CDH13: variants seen among roughly 807,000 people sequenced by gnomAD.
CDH13 encodes cadherin 13.
In CDH13, 24 loss-of-function variants were observed where a neutral mutation model predicts 63.8. The observed-to-expected ratio is 0.38, with a 90% CI of 0.27 to 0.53. The LOEUF is 0.53. CDH13 is among the 20% of genes least tolerant of loss of function. The pLI is 0.85. For synonymous variants in CDH13, 503 were observed against 355.3 expected, an observed-to-expected ratio of 1.42 and a Z score of -4.67; for missense variants, 1,049 against 903.1, an observed-to-expected ratio of 1.16 and a Z score of -2.07.
chr16:83,165,568 A>T (rs1488145570), intron 4 of CDH13, among the ~76,000 whole-genome samples: 4 of 152,098 alleles, frequency 2.6e-5, no homozygotes, highest in Non-Finnish European at 5.9e-5. Context: ...GTGGTCACAA[A>T]TGAGAAGAGT....
intron 7 of CDH13, among the ~76,000 whole-genome samples, chr16:83,589,488 G>T (rs529032632): frequency 6.6e-6 from 1 of 151,718 alleles, no homozygotes; most frequent in African/African-American, 2.4e-5. Flanking sequence ...CAGTTTTCCA[G>T]GGTGGTCTCC....
intron 5 of CDH13, among the ~76,000 whole-genome samples, chr16:83,334,962 A>G (rs2090562098): frequency 6.6e-6 from 1 of 152,202 alleles, no homozygotes; most frequent in Non-Finnish European, 1.5e-5. Context: ...AGGTGTAAAA[A>G]GTAAGGGCAA....
intron 2 of CDH13, among the ~76,000 whole-genome samples, chr16:82,939,206 C>T (rs1438440000): frequency 1.3e-5 from 2 of 152,172 alleles, no homozygotes; most frequent in Admixed American, 6.5e-5. Flanking sequence ...GATGGATCAC[C>T]TGAGCTCAGG....
intron 7 of CDH13, among the ~76,000 whole-genome samples, chr16:83,531,606 C>T (rs1185550556): frequency 1.3e-5 from 2 of 152,124 alleles, no homozygotes; most frequent in Non-Finnish European, 2.9e-5. Flanking sequence ...TAAGTTGTCC[C>T]TAAATGTAAT....
chr16:83,057,006 C>T (rs547669311), intron 3 of CDH13, among the ~76,000 whole-genome samples: 4 of 152,148 alleles, frequency 2.6e-5, no homozygotes, highest in Admixed American at 2.0e-4. Flanking sequence ...CTCACTCTGT[C>T]GCCAGTCTGG....
At chr16:83,008,879 T>TG (rs1913826091) in intron 2 of CDH13, among the ~76,000 whole-genome samples, 1 of 152,184 alleles carries the variant, frequency 6.6e-6, no homozygotes, top group Admixed American at 6.5e-5. Context: ...TCAGCATGGC[T>TG]GGGGAGGTCT....
intron 5 of CDH13, among the ~76,000 whole-genome samples, chr16:83,294,486 A>T (rs2089541062): frequency 6.6e-6 from 1 of 152,048 alleles, no homozygotes; most frequent in Admixed American, 6.6e-5. Context: ...GAATGAGACT[A>T]TGTGGTATTT....
At chr16:83,601,348 A>G (rs1443963831) in intron 7 of CDH13, among the ~76,000 whole-genome samples, 2 of 152,212 alleles carry the variant, frequency 1.3e-5, no homozygotes, top group Non-Finnish European at 2.9e-5. Flanking sequence ...GATCAGGGCT[A>G]TTTGGCTAGT....
At chr16:82,947,270 A>G (rs781058820) in intron 2 of CDH13, among the ~76,000 whole-genome samples, 3 of 151,748 alleles carry the variant, frequency 2.0e-5, no homozygotes, top group African/African-American at 4.8e-5. Flanking sequence ...TCTCCCTCCT[A>G]TTTTCTGTGT....
intron 10 of CDH13, among the ~76,000 whole-genome samples, chr16:83,743,432 C>G (rs562525328): frequency 1.5e-4 from 23 of 152,240 alleles, no homozygotes; most frequent in African/African-American, 5.5e-4. Context: ...GTTCATGTCT[C>G]TAAGCATTTT....
chr16:83,702,752 G>A (rs77716676), intron 10 of CDH13, among the ~76,000 whole-genome samples: 1 of 152,160 alleles, frequency 6.6e-6, no homozygotes, highest in Non-Finnish European at 1.5e-5. Flanking sequence ...AGCTGAGCAG[G>A]TGGCACTGTG....
At chr16:82,787,605 G>C (rs1443178784) in intron 1 of CDH13, among the ~76,000 whole-genome samples, 1 of 152,182 alleles carries the variant, frequency 6.6e-6, no homozygotes, top group Non-Finnish European at 1.5e-5. Flanking sequence ...TTCAGAATTA[G>C]CCTATGAAGT....
In CDH13 at chr16:82,670,253, A is replaced by G. The variant is rs117084878; in HGVS notation, c.45+43116A>G. Among the ~76,000 whole-genome samples, 681 of 152,334 alleles carry G rather than the reference A, an allele frequency of 4.5e-3. 26 individuals are homozygous for G. The East Asian group carries it at 0.093, about 21-fold the overall frequency. On this transcript the variant is annotated intron_variant, in intron 1 of 13. Coordinates refer to ENST00000567109, the MANE Select transcript of CDH13 (RefSeq NM_001257.5). The stretch of plus-strand genomic sequence containing the variant: ...GCAAATCCCTAGTCGGAACATTTGA[A>G]CATCATCTAGAGGGATCAGGAAATA...
intron 2 of CDH13, among the ~76,000 whole-genome samples, chr16:83,001,692 G>A (rs934331472): frequency 2.0e-5 from 3 of 152,202 alleles, no homozygotes; most frequent in African/African-American, 4.8e-5. Context: ...GGTTCTGTGT[G>A]ACCATTTACA....
intron 1 of CDH13, among the ~76,000 whole-genome samples, chr16:82,634,234 G>A (rs1270646418): frequency 6.6e-6 from 1 of 152,218 alleles, no homozygotes; most frequent in Non-Finnish European, 1.5e-5. Context: ...GAAGGAATGT[G>A]GCAGCTTCCA....
chr16:83,077,399 G>A (rs2032928330), intron 3 of CDH13, among the ~76,000 whole-genome samples: 1 of 151,358 alleles, frequency 6.6e-6, no homozygotes, highest in Non-Finnish European at 1.5e-5. Context: ...TGCCATGTTG[G>A]CCAGGCTGGT....
intron 6 of CDH13, among the ~76,000 whole-genome samples, chr16:83,477,301 C>T (rs1598109721): frequency 6.6e-6 from 1 of 152,182 alleles, no homozygotes; most frequent in African/African-American, 2.4e-5. Context: ...ACTTAAAAAA[C>T]CAACTAGCTC....
chr16:83,438,231 T>A (rs1003665845), intron 6 of CDH13, among the ~76,000 whole-genome samples: 2 of 152,200 alleles, frequency 1.3e-5, no homozygotes, highest in Non-Finnish European at 2.9e-5. Context: ...AACTGGAATA[T>A]TTGGTCTTTG....
intron 6 of CDH13, among the ~76,000 whole-genome samples, chr16:83,466,843 T>A (rs1216959902): frequency 6.6e-6 from 1 of 152,228 alleles, no homozygotes; most frequent in East Asian, 1.9e-4. Flanking sequence ...TTTCTTTCTT[T>A]GTATCATTGC....
Sources: gnomAD v4.1 joint callset for allele counts (sites outside exome capture counted in the v4.1 genomes callset) on GRCh38, gnomAD v4.1.1 for gene constraint, MANE v1.5 for transcripts, NCBI Gene and HGNC (gene_info 2026-07-23, HGNC 2026-07-21) for gene names.